The following PCDHGB6 variants were observed in gnomAD, a reference collection of about 807,000 sequenced individuals.
PCDHGB6 encodes the protein protocadherin gamma subfamily B, 6, also known as protocadherin gamma-B6.
PCDHGB6 carries 51 observed loss-of-function variants against 59.1 expected under a neutral mutation model. The observed-to-expected ratio is 0.86, with a 90% CI of 0.69 to 1.09. The LOEUF is 1.09. Among genes scored for constraint, PCDHGB6 ranks in the 50% least tolerant of loss-of-function variants. The probability of loss-of-function intolerance (pLI) is 0.00; values close to 1 mark genes in which losing one functional copy is unlikely to be tolerated. For synonymous variants in PCDHGB6, 466 were observed against 495.1 expected (o/e 0.94, Z 0.78); for missense variants, 1,148 against 1,205.1 (o/e 0.95, Z 0.70).
chr5:141,491,148 G>A lies in PCDHGB6; in HGVS notation c.2419-3659G>A. The A allele has an allele frequency of 6.8e-6, 11 of 1,614,140 alleles. No homozygotes were observed. The highest frequency in any genetic ancestry group is 9.3e-6 in the Non-Finnish European group (11 of 1,179,990). The stretch of plus-strand genomic sequence containing the variant: ...TGCGCACAGCCCGGGCCTTACTGGA[G>A]GATGACTCTGACACCCAGCAGGTGG... On this transcript the variant is annotated intron_variant, in intron 1 of 3. Transcript: ENST00000520790. The surrounding 1 kb of genome is among the most constrained non-coding windows in gnomAD (Gnocchi z 6.9).
At chr5:141,452,751 A>C (rs1592230802) in intron 1 of PCDHGB6, among the ~76,000 whole-genome samples, 1 of 152,094 alleles carries the variant, frequency 6.6e-6, no homozygotes, top group South Asian at 2.1e-4. Context: ...AGAAGGAAGA[A>C]GGAAGGGAGG....
At chr5:141,468,668 C>T (rs993230755) in intron 1 of PCDHGB6, 1 of 149,910 alleles carries the variant, frequency 6.7e-6, no homozygotes, top group Admixed American at 6.7e-5. Context: ...AGATCAAGAC[C>T]ATCCTGGCTA....
chr5:141,487,709 A>G lies in PCDHGB6; in HGVS notation c.2419-7098A>G. On this transcript the variant is annotated intron_variant, in intron 1 of 3. Coordinates refer to ENST00000520790, the MANE Select transcript of PCDHGB6 (RefSeq NM_018926.3). This position sits in a 1 kb window ranked among gnomAD's most constrained non-coding sequence, Gnocchi z 5.0. ...CCTAGAGAGTACTGGCCTCTCAGTA[A>G]GTGCCCATAGTGATGTCACCATTTT... is the stretch of plus-strand genomic sequence containing the variant. 6.3e-7 allele frequency: 1 copy of G among 1,586,184 alleles called. No individual in the cohort carries two copies. Among genetic ancestry groups the G allele is most frequent in the South Asian group, 1.1e-5 (1 of 87,958 alleles).
Position 141,418,052 on chromosome 5 carries a change from G to A in PCDHGB6, c.2418+7432G>A, listed in dbSNP as rs202112422. 1.2e-3 allele frequency: 1,918 copies of A among 1,613,866 alleles called. 6 individuals are homozygous for A. Among genetic ancestry groups the A allele is most frequent in the East Asian group, 2.1e-3 (96 of 44,758 alleles). On this transcript the variant is annotated intron_variant, in intron 1 of 3. Coordinates refer to ENST00000520790, the MANE Select transcript of PCDHGB6 (RefSeq NM_018926.3). ...TAGTGTCCTGGATGTGTCGGCTCGC[G>A]AGCTGCGAGTGAGCGCGGAGAAGCT...
At position 141,409,157 on chromosome 5, in the gene PCDHGB6, G is replaced by C. The variant is rs774813801; in HGVS notation, c.955G>C (p.Val319Leu). 4 of 1,614,054 alleles carry C rather than the reference G, an allele frequency of 2.5e-6. No homozygotes were observed. In the South Asian group the frequency reaches 4.4e-5, roughly 18 times the overall value. The part of the protein sequence containing the change: ...FEDVERYTME[V>L]EAKDGGGLST... ...AGATGTAGAAAGGTACACCATGGAA[G>C]TGGAAGCGAAGGACGGAGGTGGTCT... Residue 319 changes from valine to leucine, a missense_variant, in exon 1 of 4, where the codon GTG becomes CTG. This residue lies in a region of PCDHGB6 where 549 missense variants were observed against 527.5 expected (regional missense o/e 1.04). Coordinates refer to ENST00000520790, the MANE Select transcript of PCDHGB6 (RefSeq NM_018926.3).
At chr5:141,430,373 A>G (rs1456234962) in intron 1 of PCDHGB6, among the ~76,000 whole-genome samples, 1 of 151,170 alleles carries the variant, frequency 6.6e-6, no homozygotes, top group Non-Finnish European at 1.5e-5. Flanking sequence ...GGGAAAAAAA[A>G]GCTCATTGGG....
chr5:141,425,897 A>G (rs893972047), intron 1 of PCDHGB6, among the ~76,000 whole-genome samples: 1 of 152,240 alleles, frequency 6.6e-6, no homozygotes, highest in African/African-American at 2.4e-5. Context: ...TTTGGTAGTA[A>G]ACACTGGAAA....
chr5:141,477,262 C>A lies in PCDHGB6; in HGVS notation c.2419-17545C>A, dbSNP rs60063068. 1.2e-5 allele frequency: 19 copies of A among 1,614,020 alleles called. No homozygotes were observed. The East Asian group carries it at 4.2e-4, about 36-fold the overall frequency. On this transcript the variant is annotated intron_variant, in intron 1 of 3. Transcript: ENST00000520790. This position sits in a 1 kb window ranked among gnomAD's most constrained non-coding sequence, Gnocchi z 4.9. ...TCAGTGTGACTGACCTGGATGCTGG[C>A]GAGAACGGGCTGGTGACCTGCGAAG...
rs11952292 is a variant in PCDHGB6 at position 141,491,682 on chromosome 5, G to T, written c.2419-3125G>T. The T allele has an allele frequency of 0.072, 115,891 of 1,613,112 alleles. 4,572 individuals carry two copies. The highest frequency in any genetic ancestry group is 0.11 in the South Asian group (9,996 of 91,042). ...ACGCCATCCGGTCCCGCTCTAATAC[G>T]CTGCGGGAGCGGAGCCAGGTGAGGG... On this transcript the variant is annotated intron_variant, in intron 1 of 3. Coordinates refer to ENST00000520790, the MANE Select transcript of PCDHGB6 (RefSeq NM_018926.3). The surrounding 1 kb of genome is among the most constrained non-coding windows in gnomAD (Gnocchi z 6.9).
chr5:141,490,402 G>A lies in PCDHGB6; in HGVS notation c.2419-4405G>A. On this transcript the variant is annotated intron_variant, in intron 1 of 3. Coordinates refer to ENST00000520790, the MANE Select transcript of PCDHGB6 (RefSeq NM_018926.3). This position sits in a 1 kb window ranked among gnomAD's most constrained non-coding sequence, Gnocchi z 5.4. The stretch of plus-strand genomic sequence containing the variant: ...AGGTAGAAATGGTGAAGTGAGCCTT[G>A]ATATCTCTCCGGACCTGCCATTTCA... 6.2e-7 allele frequency: 1 copy of A among 1,614,182 alleles called. No homozygotes were observed. The highest frequency in any genetic ancestry group is 8.5e-7 in the Non-Finnish European group (1 of 1,180,024).
At chr5:141,444,531 CTG>C (rs2098439915) in intron 1 of PCDHGB6, among the ~76,000 whole-genome samples, 1 of 152,100 alleles carries the variant, frequency 6.6e-6, no homozygotes, top group Non-Finnish European at 1.5e-5. Context: ...GAGACAGTGA[CTG>C]TGTCTAGTGA....
chr5:141,505,679 G>A (rs1350871637), intron 3 of PCDHGB6, among the ~76,000 whole-genome samples, 198 bp downstream of exon 3: 24 of 152,172 alleles, frequency 1.6e-4, no homozygotes, highest in Non-Finnish European at 3.5e-4. Flanking sequence ...TGGGGGTCCT[G>A]GGATGCCTGG....
At chr5:141,433,818 C>A (rs1286718725) in intron 1 of PCDHGB6, among the ~76,000 whole-genome samples, 7 of 133,614 alleles carry the variant, frequency 5.2e-5, no homozygotes, top group African/African-American at 5.8e-5. Flanking sequence ...GCCTGGGCAA[C>A]AAGAGTGAAA....
chr5:141,411,538 C>G (rs1418802121), intron 1 of PCDHGB6: 1 of 152,268 alleles, frequency 6.6e-6, no homozygotes, highest in Non-Finnish European at 1.5e-5. Context: ...GAGCCCTGAT[C>G]TTGCCACTGC....
rs1250096461 is a variant in PCDHGB6 at position 141,485,533 on chromosome 5, G to A, written c.2419-9274G>A. 6.2e-7 allele frequency: 1 copy of A among 1,614,084 alleles called. No homozygotes were observed. Among genetic ancestry groups the A allele is most frequent in the Non-Finnish European group, 8.5e-7 (1 of 1,180,034 alleles). On this transcript the variant is annotated intron_variant, in intron 1 of 3. Coordinates refer to ENST00000520790, the MANE Select transcript of PCDHGB6 (RefSeq NM_018926.3). This position sits in a 1 kb window ranked among gnomAD's most constrained non-coding sequence, Gnocchi z 5.7. ...GTCCTTTGGAAATGTACCGAGCAGA[G>A]GTAGAGATCGTAGATGTGAATGATC...
chr5:141,487,771 T>C lies in PCDHGB6; in HGVS notation c.2419-7036T>C. The C allele has an allele frequency of 1.3e-6, 2 of 1,537,446 alleles. No homozygotes were observed. Among genetic ancestry groups the C allele is most frequent in the South Asian group, 2.4e-5 (2 of 82,456 alleles). ...ACTATGTGGTAGACGCTGTGCTTTGTAACTGTTTCGTGAATTAACCAGAGT... is the reference window on the plus strand; with the variant it reads ...ACTATGTGGTAGACGCTGTGCTTTGCAACTGTTTCGTGAATTAACCAGAGT... On this transcript the variant is annotated intron_variant, in intron 1 of 3. Coordinates refer to ENST00000520790, the MANE Select transcript of PCDHGB6 (RefSeq NM_018926.3). This position sits in a 1 kb window ranked among gnomAD's most constrained non-coding sequence, Gnocchi z 5.0.
At chr5:141,449,349 G>C (rs191322076) in intron 1 of PCDHGB6, among the ~76,000 whole-genome samples, 2 of 152,074 alleles carry the variant, frequency 1.3e-5, no homozygotes, top group African/African-American at 4.8e-5. Flanking sequence ...GCTCACTCCT[G>C]TAATCCCAGC....
rs1407774111 is a variant in PCDHGB6 at position 141,431,569 on chromosome 5, C to G, written c.2418+20949C>G. On this transcript the variant is annotated intron_variant, in intron 1 of 3. Transcript: ENST00000520790. The surrounding 1 kb of genome is among the most constrained non-coding windows in gnomAD (Gnocchi z 4.8). Reference sequence around the variant, plus strand: ...TTGTAGTCAACGCTACCGACCCTGACGAAGGAGTCAATGCGGAAGTGAGGT... The same window carrying G: ...TTGTAGTCAACGCTACCGACCCTGAGGAAGGAGTCAATGCGGAAGTGAGGT... 5.6e-6 allele frequency: 9 copies of G among 1,614,000 alleles called. No homozygotes were observed. Among genetic ancestry groups the G allele is most frequent in the African/African-American group, 2.7e-5 (2 of 74,932 alleles).
rs2095932484 is a variant in PCDHGB6, at chr5:141,415,751, T to TG, written c.2418+5131_2418+5132insG. 3.8e-6 allele frequency: 5 copies of TG among 1,328,726 alleles called. No homozygotes were observed. The African/African-American group carries it at 9.4e-5, about 25-fold the overall frequency. The allele number at this position is 1,328,726 out of a possible 1,614,324, so 82.3% of individuals were successfully genotyped here. On this transcript the variant is annotated intron_variant, in intron 1 of 3. Transcript: ENST00000520790. ...TGATGTTTATTAAGGTTTTTTTTTT[T>TG]TTTTTTTTTTTTTTTTTTTTTACTT... is the stretch of plus-strand genomic sequence containing the variant.
Sources: allele counts gnomAD v4.1 joint callset (sites outside exome capture counted in the v4.1 genomes callset), GRCh38; gene constraint gnomAD v4.1.1; regional missense constraint gnomAD v4.1.1; non-coding constraint Gnocchi (gnomAD v3.1); transcripts MANE v1.5; gene names NCBI Gene and HGNC (gene_info 2026-07-23, HGNC 2026-07-21).